Variants in HMBOX1 observed in about 807,000 individuals in gnomAD.
The protein encoded by HMBOX1 is homeobox-containing protein 1.
In HMBOX1, 14 loss-of-function variants were observed where a neutral mutation model predicts 54.5. The observed-to-expected ratio is 0.26, with a 90% confidence interval of 0.17 to 0.40. HMBOX1 has a LOEUF of 0.40. HMBOX1 is among the 10% of genes least tolerant of loss of function. The pLI, the probability that HMBOX1 is intolerant of heterozygous loss-of-function variation, is 1.00. For synonymous variants in HMBOX1, 160 were observed against 181.0 expected, an observed-to-expected ratio of 0.88 and a Z score of 0.93; for missense variants, 332 against 514.4, an observed-to-expected ratio of 0.65 and a Z score of 3.43.
intron 1 of HMBOX1, among the ~76,000 whole-genome samples, chr8:28,959,178 A>G (rs975738913): frequency 1.5e-4 from 23 of 151,778 alleles, no homozygotes; most frequent in African/African-American, 5.3e-4. Flanking sequence ...TCACCTTTTC[A>G]CTGAACGGAA....
intron 5 of HMBOX1, among the ~76,000 whole-genome samples, chr8:29,010,710 TTAA>T (rs894251584): frequency 2.6e-5 from 4 of 152,032 alleles, no homozygotes; most frequent in African/African-American, 7.2e-5. Context: ...CCTAAGAAAA[TTAA>T]TAATAATTTC....
chr8:29,003,699 C>A (rs912891143), intron 4 of HMBOX1, among the ~76,000 whole-genome samples: 3 of 150,766 alleles, frequency 2.0e-5, no homozygotes, highest in African/African-American at 4.9e-5. Flanking sequence ...ATTTTATCTG[C>A]GTGCATTTAT....
At chr8:28,998,873 T>G in intron 4 of HMBOX1, among the ~76,000 whole-genome samples, 1 of 152,118 alleles carries the variant, frequency 6.6e-6, no homozygotes, top group East Asian at 1.9e-4. Flanking sequence ...AATACCAACT[T>G]AATTTTAATA....
chr8:29,001,101 C>G (rs750044600), intron 4 of HMBOX1, among the ~76,000 whole-genome samples: 3 of 152,142 alleles, frequency 2.0e-5, no homozygotes, highest in Non-Finnish European at 4.4e-5. Flanking sequence ...TGAAGGAAAG[C>G]TGGCCCCCAA....
rs150615727 is a variant in HMBOX1, at chr8:28,911,253, G to A, written c.-58+20575G>A. Among the ~76,000 whole-genome samples, 351 of 152,328 alleles carry A rather than the reference G, an allele frequency of 2.3e-3. 1 individual carries two copies. The highest frequency in any genetic ancestry group is 7.8e-3 in the African/African-American group (323 of 41,570). ...GGCTTGTACAATGAGAAGACCTGGG[G>A]GGAGGGTGCTGTCCTTGGCAGAAAC... On this transcript the variant is annotated intron_variant, in intron 1 of 9. Coordinates refer to ENST00000287701, the MANE Select transcript of HMBOX1 (RefSeq NM_001135726.3).
Position 28,970,377 on chromosome 8 carries a change from G to A in HMBOX1, c.358G>A (p.Glu120Lys). 1 of 1,614,148 alleles carries A rather than the reference G, an allele frequency of 6.2e-7. No individual in the cohort carries two copies. Among genetic ancestry groups the A allele is most frequent in the East Asian group, 2.2e-5 (1 of 44,876 alleles). Residue 120 changes from glutamate (E) to lysine (K), a missense_variant, in exon 3 of 10, where the codon GAG becomes AAG. Transcript: ENST00000287701. This position sits in a 1 kb window ranked among gnomAD's most constrained non-coding sequence, Gnocchi z 4.3. ...TTGCACTACCAATCAAAATGGGAGG[G>A]AGAATAATGAGCGATTATCTACATC... ...QPCTTNQNGR[E>K]NNERLSTSNG...
chr8:29,039,491 T>A (rs143385304), intron 6 of HMBOX1, among the ~76,000 whole-genome samples: 36 of 152,324 alleles, frequency 2.4e-4, no homozygotes, highest in African/African-American at 8.2e-4. Context: ...AGTCTGGGTT[T>A]TACCAAAAGT....
intron 4 of HMBOX1, among the ~76,000 whole-genome samples, chr8:28,988,311 T>C (rs1445376867): frequency 6.6e-6 from 1 of 152,228 alleles, no homozygotes; most frequent in African/African-American, 2.4e-5. Flanking sequence ...TATAACAAAA[T>C]TAGTTTACCC....
At chr8:28,913,734 C>G (rs1815939627) in intron 1 of HMBOX1, among the ~76,000 whole-genome samples, 1 of 151,972 alleles carries the variant, frequency 6.6e-6, no homozygotes, top group Admixed American at 6.6e-5. Context: ...AATAGAGATC[C>G]TTTGATCTGT....
intron 1 of HMBOX1, among the ~76,000 whole-genome samples, chr8:28,938,690 CTTT>C (rs201060483): frequency 0.015 from 2,334 of 152,004 alleles, 40 homozygotes; most frequent in African/African-American, 0.04. Context: ...TCAAGTGATC[CTTT>C]CTGCCTTGGC....
At chr8:28,957,571 A>AAAAC (rs35413095) in intron 1 of HMBOX1, among the ~76,000 whole-genome samples, 133,713 of 151,988 alleles carry the variant, frequency 0.88, 58,869 homozygotes, top group East Asian at 0.95. Flanking sequence ...TAAAAGTTGA[A>AAAAC]AAACAAAGCC....
Position 28,970,284 on chromosome 8 carries a change from T to G in HMBOX1, c.265T>G (p.Ser89Ala), listed in dbSNP as rs1405865773. The change falls in exon 3 of 10, where the codon TCC becomes GCC. Residue 89 changes from serine to alanine, a missense_variant. By Grantham distance (99) the Ser-to-Ala change is moderately conservative (BLOSUM62 1). Around this residue, in one of 4 missense-constraint regions of HMBOX1, gnomAD observed 146 missense variants for 173.3 expected, o/e 0.84. Transcript: ENST00000287701. The surrounding 1 kb of genome is among the most constrained non-coding windows in gnomAD (Gnocchi z 4.3). ...AGCATCTTCCTCTACAGCTACAGCT[T>G]CCACACAGACGCAGCATTCGGGAAT... The part of the protein sequence containing the change: ...VPASSSTATA[S>A]TQTQHSGMSP... 8 of 1,614,184 alleles carry G rather than the reference T, an allele frequency of 5.0e-6. No individual in the cohort carries two copies. The highest frequency in any genetic ancestry group is 6.8e-6 in the Non-Finnish European group (8 of 1,180,034).
chr8:29,045,406 A>C lies in HMBOX1; in HGVS notation c.897A>C (p.Glu299Asp). The change falls in exon 7 of 10, where the codon GAA becomes GAC. Residue 299 changes from glutamate (E) to aspartate (D), a missense_variant. By Grantham distance (45) the Glu-to-Asp change is conservative. This residue lies in a region of HMBOX1 where 117 missense variants were observed against 220.0 expected (regional missense o/e 0.53). Transcript: ENST00000287701. ...NQYPDEAKREEIANACNAVIQ... is the reference protein window; with the variant it reads ...NQYPDEAKREDIANACNAVIQ... ...ACCCAGATGAAGCAAAGAGGGAAGA[A>C]ATTGCAAACGCTTGCAATGCAGTTA... is the stretch of plus-strand genomic sequence containing the variant. 6.2e-7 allele frequency: 1 copy of C among 1,614,220 alleles called. No individual in the cohort carries two copies. The highest frequency in any genetic ancestry group is 8.5e-7 in the Non-Finnish European group (1 of 1,180,016).
chr8:28,991,337 T>C (rs1830954122), intron 4 of HMBOX1, among the ~76,000 whole-genome samples: 1 of 152,168 alleles, frequency 6.6e-6, no homozygotes, highest in Admixed American at 6.5e-5. Flanking sequence ...ACAAACCAAA[T>C]TAAATTAGCT....
intron 1 of HMBOX1, among the ~76,000 whole-genome samples, chr8:28,952,481 G>T (rs1055872460): frequency 1.2e-4 from 19 of 152,048 alleles, no homozygotes; most frequent in Non-Finnish European, 2.1e-4. Flanking sequence ...CCATCCACCC[G>T]CCTGGGCCTC....
intron 1 of HMBOX1, among the ~76,000 whole-genome samples, chr8:28,948,273 T>C (rs894005127): frequency 2.0e-5 from 3 of 152,180 alleles, no homozygotes; most frequent in African/African-American, 7.2e-5. Context: ...GTAACCTCCA[T>C]GTGAGCAGGA....
At chr8:28,967,227 C>A (rs536748534) in intron 2 of HMBOX1, among the ~76,000 whole-genome samples, 1 of 152,096 alleles carries the variant, frequency 6.6e-6, no homozygotes, top group African/African-American at 2.4e-5. Context: ...TGGGGTATTA[C>A]GAGTGATAGC....
chr8:28,997,207 T>C (rs1258431293), intron 4 of HMBOX1, among the ~76,000 whole-genome samples: 2 of 152,224 alleles, frequency 1.3e-5, no homozygotes, highest in Admixed American at 6.5e-5. Context: ...GTGTTCAGTC[T>C]TTCCCCGTTA....
intron 6 of HMBOX1, among the ~76,000 whole-genome samples, chr8:29,021,401 A>G (rs1474271594): frequency 3.9e-5 from 6 of 152,042 alleles, no homozygotes; most frequent in Non-Finnish European, 1.5e-5. Context: ...TAAAAGAAAA[A>G]CTTTGGAGGG....
Sources: allele counts gnomAD v4.1 joint callset (sites outside exome capture counted in the v4.1 genomes callset), GRCh38; gene constraint gnomAD v4.1.1; regional missense constraint gnomAD v4.1.1; non-coding constraint Gnocchi (gnomAD v3.1); transcripts MANE v1.5; gene names NCBI Gene and HGNC (gene_info 2026-07-23, HGNC 2026-07-21).